The following PNPLA7 variants were observed in gnomAD, a reference collection of about 807,000 sequenced individuals.
PNPLA7 encodes patatin-like phospholipase domain-containing protein 7.
Under a neutral mutation model 161.7 loss-of-function variants are expected in PNPLA7, and 153 were observed. The ratio of observed to expected loss-of-function variants is 0.95; its 90% confidence interval spans 0.83 to 1.08. The LOEUF is 1.08. PNPLA7 is among the 50% of genes least tolerant of loss of function. The pLI is 0.00. For synonymous variants in PNPLA7, 809 were observed against 782.1 expected (o/e 1.03, Z -0.57); for missense variants, 1,739 against 1,856.6 (o/e 0.94, Z 1.16).
chr9:137,496,326 C>T (rs572848891), intron 18 of PNPLA7, among the ~76,000 whole-genome samples: 2 of 150,794 alleles, frequency 1.3e-5, no homozygotes, highest in African/African-American at 2.4e-5. Flanking sequence ...AGGCTTGTCT[C>T]GAACTCCCAA....
chr9:137,533,442 C>G (rs1333931488), intron 8 of PNPLA7, among the ~76,000 whole-genome samples: 1 of 148,738 alleles, frequency 6.7e-6, no homozygotes, highest in East Asian at 2.0e-4. Context: ...GTGTCCACTC[C>G]AGGCGGGAGG....
chr9:137,467,491 A>C lies in PNPLA7; in HGVS notation c.2883-18T>G. 1 of 1,611,770 alleles carries C rather than the reference A, an allele frequency of 6.2e-7. No individual in the cohort carries two copies. The highest frequency in any genetic ancestry group is 2.2e-5 in the East Asian group (1 of 44,880). On this transcript the variant is annotated intron_variant, in intron 25 of 34. Transcript: ENST00000406427. The surrounding 1 kb of genome is among the most constrained non-coding windows in gnomAD (Gnocchi z 5.1). ...CACAGCCTCTACACCAGCCAGGGAC[A>C]CAGAGCAAGGAGTGAGTACCAGGCC... is the stretch of plus-strand genomic sequence containing the variant.
chr9:137,470,560 G>A (rs1831661019), intron 25 of PNPLA7, among the ~76,000 whole-genome samples: 1 of 152,024 alleles, frequency 6.6e-6, no homozygotes, highest in Non-Finnish European at 1.5e-5. Context: ...AAATAAAAAA[G>A]TAAAAATAAA....
intron 9 of PNPLA7, among the ~76,000 whole-genome samples, chr9:137,522,477 G>A (rs367554235): frequency 9.8e-5 from 15 of 152,324 alleles, no homozygotes; most frequent in Non-Finnish European, 1.8e-4. Context: ...GGCGTGAGCC[G>A]CCGCGCCCGG....
intron 28 of PNPLA7, 34 bp from the exon 29 acceptor site, chr9:137,463,565 G>A: frequency 6.7e-7 from 1 of 1,494,362 alleles, no homozygotes; most frequent in Non-Finnish European, 9.1e-7. Context: ...TGGTTACCCG[G>A]AGGAGGCTCC....
At chr9:137,518,596 A>C (rs1588664953) in intron 11 of PNPLA7, among the ~76,000 whole-genome samples, 1 of 43,792 alleles carries the variant, frequency 2.3e-5, no homozygotes, top group African/African-American at 1.1e-4. Context: ...CACTCACTCC[A>C]CTCTGTCCAC....
chr9:137,535,589 C>T (rs1835841524), intron 8 of PNPLA7, among the ~76,000 whole-genome samples: 1 of 151,598 alleles, frequency 6.6e-6, no homozygotes, highest in Non-Finnish European at 1.5e-5. Flanking sequence ...CCCGTCCCTA[C>T]TAAAAATACA....
chr9:137,479,156 G>C lies in PNPLA7; in HGVS notation c.2663C>G (p.Ala888Gly). 1 of 1,575,160 alleles carries C rather than the reference G, an allele frequency of 6.3e-7. No individual in the cohort carries two copies. Among genetic ancestry groups the C allele is most frequent in the Non-Finnish European group, 8.6e-7 (1 of 1,161,608 alleles). Reference sequence around the variant, plus strand: ...CATGTTGAGCCACTCCACGGTGCGCGCTGGCGCCGGGCCCTCCTCCCTGTG... The same window carrying C: ...CATGTTGAGCCACTCCACGGTGCGCCCTGGCGCCGGGCCCTCCTCCCTGTG... ...LLHREEGPAPARTVEWLNMRS... is the reference protein window; with the variant it reads ...LLHREEGPAPGRTVEWLNMRS... Residue 888 changes from alanine (A) to glycine (G), a missense_variant, in exon 24 of 35, where the codon GCG becomes GGG. By Grantham distance (60) the Ala-to-Gly change is moderately conservative. Coordinates refer to ENST00000406427, the MANE Select transcript of PNPLA7 (RefSeq NM_001098537.3).
Position 137,467,126 on chromosome 9 carries a change from C to G in PNPLA7, c.3039+191G>C, listed in dbSNP as rs1245708992. 6.6e-6 allele frequency among the ~76,000 whole-genome samples: 1 copy of G among 152,252 alleles called. No individual in the cohort carries two copies. The highest frequency in any genetic ancestry group is 2.4e-5 in the African/African-American group (1 of 41,476). On this transcript the variant is annotated intron_variant, in intron 26 of 34. Transcript: ENST00000406427. This position sits in a 1 kb window ranked among gnomAD's most constrained non-coding sequence, Gnocchi z 5.1. Reference sequence around the variant, plus strand: ...GCACAGATCAGACCGCCTCCCACCACCAACCTGCATCTGTGCCTTCTCTGT... The same window carrying G: ...GCACAGATCAGACCGCCTCCCACCAGCAACCTGCATCTGTGCCTTCTCTGT...
rs1836298033 is a variant in PNPLA7, at chr9:137,543,093, G to A, written c.507-292C>T. On this transcript the variant is annotated intron_variant, in intron 6 of 34. Coordinates refer to ENST00000406427, the MANE Select transcript of PNPLA7 (RefSeq NM_001098537.3). This position sits in a 1 kb window ranked among gnomAD's most constrained non-coding sequence, Gnocchi z 6.9. ...CCTCCAGGATGGTGAGCTGGGCCAGGGAGCGGAAGGGGTGCAGTCCAGGGG... is the reference window on the plus strand; with the variant it reads ...CCTCCAGGATGGTGAGCTGGGCCAGAGAGCGGAAGGGGTGCAGTCCAGGGG... Among the ~76,000 whole-genome samples the A allele has an allele frequency of 6.6e-6, 1 of 152,180 alleles. No individual in the cohort carries two copies. Among genetic ancestry groups the A allele is most frequent in the African/African-American group, 2.4e-5 (1 of 41,426 alleles).
rs561122936 is a variant in PNPLA7, at chr9:137,515,635, G to A, written c.1085-116C>T. 807 of 1,315,800 alleles carry A rather than the reference G, an allele frequency of 6.1e-4. 11 individuals are homozygous for A. The South Asian group carries it at 9.2e-3, about 15-fold the overall frequency. The allele number at this position is 1,315,800 out of a possible 1,614,324, so 81.5% of individuals were successfully genotyped here. A position where few individuals can be genotyped will look rare whatever the true frequency, so the allele number is the denominator to read the frequency against. On this transcript the variant is annotated intron_variant, in intron 11 of 34. Coordinates refer to ENST00000406427, the MANE Select transcript of PNPLA7 (RefSeq NM_001098537.3). ...CCCACAGTGCCCTGCGCACCTGAAC[G>A]CGCTCTGGACCAGCCCACCGGCCAC...
At chr9:137,495,793 C>T (rs1833024233) in intron 18 of PNPLA7, among the ~76,000 whole-genome samples, 1 of 152,188 alleles carries the variant, frequency 6.6e-6, no homozygotes, top group African/African-American at 2.4e-5. Flanking sequence ...GGAGCCCTGC[C>T]CTCTGGCACT....
chr9:137,511,982 T>G (rs1834261580), intron 12 of PNPLA7, among the ~76,000 whole-genome samples: 1 of 152,186 alleles, frequency 6.6e-6, no homozygotes, highest in Admixed American at 6.5e-5. Flanking sequence ...CCTGCCCCCT[T>G]GCCTTGTATA....
intron 1 of PNPLA7, 90 bp downstream of exon 1, chr9:137,550,078 G>A (rs182514004): frequency 2.0e-5 from 30 of 1,518,492 alleles, no homozygotes; most frequent in East Asian, 1.1e-4. Flanking sequence ...CAAAGAGCGC[G>A]GCAGAGCAGA....
At chr9:137,482,975 C>T (rs562167004) in intron 21 of PNPLA7, among the ~76,000 whole-genome samples, 42 of 152,270 alleles carry the variant, frequency 2.8e-4, no homozygotes, top group African/African-American at 9.1e-4. Context: ...CGGGGTCAAG[C>T]GATTCTCCTG....
Position 137,500,597 on chromosome 9 carries a change from G to A in PNPLA7, c.1757+94C>T, listed in dbSNP as rs1833338940. On this transcript the variant is annotated intron_variant, in intron 16 of 34. Transcript: ENST00000406427. The surrounding 1 kb of genome is among the most constrained non-coding windows in gnomAD (Gnocchi z 5.5). The stretch of plus-strand genomic sequence containing the variant: ...GGGAGCCCGAGAAGCAGGGAAGAGG[G>A]TGAGAGCACCAGGAAGAGGCCGGCC... The A allele has an allele frequency of 1.7e-6, 2 of 1,176,412 alleles. No homozygotes were observed. Among genetic ancestry groups the A allele is most frequent in the Non-Finnish European group, 2.4e-6 (2 of 820,800 alleles). The allele number at this position is 1,176,412 out of a possible 1,614,324, so 72.9% of individuals were successfully genotyped here.
Position 137,464,113 on chromosome 9 carries a change from C to CA in PNPLA7, c.3226+12dup. Reference sequence around the variant, plus strand: ...GCACCCAAGCGGCCGCCCTGCGCAGCAGGAGTGCTCACCGTCGGTGTGGAC... The same window carrying CA: ...GCACCCAAGCGGCCGCCCTGCGCAGCAAGGAGTGCTCACCGTCGGTGTGGAC... On this transcript the variant is annotated intron_variant, in intron 28 of 34. Transcript: ENST00000406427. 6.2e-7 allele frequency: 1 copy of CA among 1,612,916 alleles called. No individual in the cohort carries two copies. Among genetic ancestry groups the CA allele is most frequent in the Non-Finnish European group, 8.5e-7 (1 of 1,179,662 alleles).
Position 137,547,872 on chromosome 9 carries a change from A to G in PNPLA7, c.31-213T>C, listed in dbSNP as rs539331613. Among the ~76,000 whole-genome samples the G allele has an allele frequency of 5.9e-5, 9 of 152,270 alleles. 1 individual carries two copies. The South Asian group carries it at 1.9e-3, about 32-fold the overall frequency. On this transcript the variant is annotated intron_variant, in intron 1 of 34. Coordinates refer to ENST00000406427, the MANE Select transcript of PNPLA7 (RefSeq NM_001098537.3). This position sits in a 1 kb window ranked among gnomAD's most constrained non-coding sequence, Gnocchi z 4.6. Reference sequence around the variant, plus strand: ...ACCTGGCTCCCTCAGTCACTGGGATACAGTGGGGCAGGGCCAGCGGCTGCC... The same window carrying G: ...ACCTGGCTCCCTCAGTCACTGGGATGCAGTGGGGCAGGGCCAGCGGCTGCC...
Position 137,501,648 on chromosome 9 carries a change from A to T in PNPLA7, c.1551+2T>A. 6.2e-7 allele frequency: 1 copy of T among 1,611,016 alleles called. No homozygotes were observed. Among genetic ancestry groups the T allele is most frequent in the Non-Finnish European group, 8.5e-7 (1 of 1,179,104 alleles). On this transcript the variant is annotated splice_donor_variant, in intron 15 of 34. Coordinates refer to ENST00000406427, the MANE Select transcript of PNPLA7 (RefSeq NM_001098537.3). LOFTEE classifies it high-confidence loss of function. ...AGTGCCCCCCCCCAGACCCCCGCTCACCTGGTCTCCCTGCCTTGACACCAC... is the reference window on the plus strand; with the variant it reads ...AGTGCCCCCCCCCAGACCCCCGCTCTCCTGGTCTCCCTGCCTTGACACCAC...
Sources: allele counts gnomAD v4.1 joint callset (sites outside exome capture counted in the v4.1 genomes callset), GRCh38; gene constraint gnomAD v4.1.1; non-coding constraint Gnocchi (gnomAD v3.1); transcripts MANE v1.5; gene names NCBI Gene and HGNC (gene_info 2026-07-23, HGNC 2026-07-21).